The following RGS9 variants were observed in gnomAD, a reference collection of about 807,000 sequenced individuals.
The protein encoded by RGS9 is regulator of G-protein signalling 9.
RGS9 carries 78 observed loss-of-function variants against 102.0 expected under a neutral mutation model. That is an observed-to-expected ratio of 0.76 (90% CI 0.64 to 0.92). RGS9 has a LOEUF of 0.92. RGS9 is among the 40% of genes least tolerant of loss of function. The pLI, the probability that RGS9 is intolerant of heterozygous loss-of-function variation, is 0.00. For synonymous variants in RGS9, 353 were observed against 318.6 expected (o/e 1.11, Z -1.15); for missense variants, 833 against 866.1 (o/e 0.96, Z 0.48).
At chr17:65,159,159 C>T (rs369522133) in intron 3 of RGS9, among the ~76,000 whole-genome samples, 127 of 150,926 alleles carry the variant, frequency 8.4e-4, no homozygotes, top group Non-Finnish European at 1.2e-3. Flanking sequence ...TGTGACCCCC[C>T]ACTCCTGCCC....
intron 17 of RGS9, among the ~76,000 whole-genome samples, chr17:65,215,669 C>T (rs916761924): frequency 2.0e-5 from 3 of 151,930 alleles, no homozygotes; most frequent in African/African-American, 7.3e-5. Flanking sequence ...CAAGCCATTC[C>T]CCTGCCTCAG....
At chr17:65,206,499 G>A (rs1248733267) in intron 15 of RGS9, among the ~76,000 whole-genome samples, 1 of 152,136 alleles carries the variant, frequency 6.6e-6, no homozygotes, top group Non-Finnish European at 1.5e-5. Flanking sequence ...CCAACATGGT[G>A]AAACCCCGTC....
intron 2 of RGS9, among the ~76,000 whole-genome samples, chr17:65,156,542 T>G (rs561137217): frequency 8.1e-4 from 123 of 152,342 alleles, no homozygotes; most frequent in Non-Finnish European, 1.4e-3. Flanking sequence ...TTTAACTTCT[T>G]GGACGGCAGG....
chr17:65,149,518 A>G (rs1283736979), intron 1 of RGS9, among the ~76,000 whole-genome samples: 2 of 152,194 alleles, frequency 1.3e-5, no homozygotes, highest in East Asian at 3.8e-4. Context: ...ATACATGCTC[A>G]ATAAATACCT....
rs141229113 is a variant in RGS9 at position 65,173,912 on chromosome 17, G to A, written c.583-3820G>A. On this transcript the variant is annotated intron_variant, in intron 8 of 18. Coordinates refer to ENST00000262406, the MANE Select transcript of RGS9 (RefSeq NM_003835.4). The surrounding 1 kb of genome is among the most constrained non-coding windows in gnomAD (Gnocchi z 4.8). ...GAAAGGCAGCCCTCTCACCAGTTTC[G>A]AGGGCAGGGAACTGGAAAAGGACCA... Among the ~76,000 whole-genome samples the A allele has an allele frequency of 2.8e-4, 42 of 152,322 alleles. No individual in the cohort carries two copies. The highest frequency in any genetic ancestry group is 9.9e-4 in the African/African-American group (41 of 41,572).
chr17:65,168,326 C>A (rs1449583568), intron 8 of RGS9, 45 bp downstream of exon 8: 1 of 1,345,938 alleles, frequency 7.4e-7, no homozygotes, highest in East Asian at 2.4e-5. Context: ...TCCTGTGCCT[C>A]CCACCTCCAT....
At chr17:65,151,357 A>G (rs575171450) in intron 1 of RGS9, among the ~76,000 whole-genome samples, 2 of 131,944 alleles carry the variant, frequency 1.5e-5, no homozygotes, top group African/African-American at 3.5e-5. Context: ...AAAAAAAAAA[A>G]AGAGTCCTTC....
At chr17:65,153,557 C>A (rs758519266) in intron 2 of RGS9, 39 bp downstream of exon 2, 5 of 1,482,872 alleles carry the variant, frequency 3.4e-6, no homozygotes, top group South Asian at 2.3e-5. Context: ...CTGGAATAGA[C>A]CCCACAGGCC....
intron 11 of RGS9, among the ~76,000 whole-genome samples, chr17:65,191,324 T>A (rs1912357049): frequency 6.6e-6 from 1 of 152,194 alleles, no homozygotes; most frequent in South Asian, 2.1e-4. Context: ...CAGGACCTCA[T>A]TACCGTAATT....
chr17:65,225,582 T>A (rs1905628326), intron 18 of RGS9, 96 bp downstream of exon 18: 1 of 1,573,902 alleles, frequency 6.4e-7, no homozygotes, highest in East Asian at 2.2e-5. Context: ...GGGACTGGGA[T>A]GGGTGAGAAC....
chr17:65,150,103 G>A (rs1910518083), intron 1 of RGS9, among the ~76,000 whole-genome samples: 1 of 152,198 alleles, frequency 6.6e-6, no homozygotes, highest in Admixed American at 6.5e-5. Context: ...GCGGGAATGT[G>A]GACAGACTTG....
rs754236172 is a variant in RGS9 at position 65,190,160 on chromosome 17, C to T, written c.685-15C>T. The T allele has an allele frequency of 1.9e-6, 3 of 1,608,008 alleles. No homozygotes were observed. Among genetic ancestry groups the T allele is most frequent in the East Asian group, 2.2e-5 (1 of 44,884 alleles). On this transcript the variant is annotated splice_polypyrimidine_tract_variant and intron_variant, in intron 10 of 18. Coordinates refer to ENST00000262406, the MANE Select transcript of RGS9 (RefSeq NM_003835.4). ...GAGGGGGTTGAATACCTTCTAACAA[C>T]TGTGTCTCTTCCAGATCATGTATTA...
intron 1 of RGS9, among the ~76,000 whole-genome samples, chr17:65,139,315 C>CT (rs1270161421): frequency 1.3e-5 from 2 of 150,862 alleles, no homozygotes; most frequent in Non-Finnish European, 2.9e-5. Flanking sequence ...CCTACACACA[C>CT]TGTTTTTTTC....
intron 8 of RGS9, among the ~76,000 whole-genome samples, chr17:65,171,765 A>G (rs1458763104): frequency 6.6e-6 from 1 of 152,218 alleles, no homozygotes; most frequent in East Asian, 1.9e-4. Context: ...ATGAAGGAAA[A>G]CGATGTTTCT....
intron 17 of RGS9, 80 bp downstream of exon 17, chr17:65,210,685 G>A: frequency 1.3e-6 from 2 of 1,595,954 alleles, no homozygotes; most frequent in South Asian, 2.2e-5. Context: ...TGGGGGTGGG[G>A]TCATGCACTT....
intron 7 of RGS9, among the ~76,000 whole-genome samples, chr17:65,165,011 A>G (rs1341917334): frequency 6.6e-6 from 1 of 152,096 alleles, no homozygotes; most frequent in African/African-American, 2.4e-5. Context: ...ACTTAATTCC[A>G]TTTGTTGCAC....
intron 11 of RGS9, among the ~76,000 whole-genome samples, chr17:65,191,014 T>C (rs938717052): frequency 2.0e-5 from 3 of 152,170 alleles, no homozygotes; most frequent in Non-Finnish European, 4.4e-5. Context: ...CTTGTAAAAA[T>C]GTTTTACATC....
At chr17:65,206,863 G>A (rs966419683) in intron 15 of RGS9, among the ~76,000 whole-genome samples, 5 of 152,128 alleles carry the variant, frequency 3.3e-5, no homozygotes, top group African/African-American at 9.7e-5. Flanking sequence ...AACACTCAAC[G>A]TATCCCAGTG....
At chr17:65,138,830 G>A (rs1237860563) in intron 1 of RGS9, among the ~76,000 whole-genome samples, 1 of 152,012 alleles carries the variant, frequency 6.6e-6, no homozygotes, top group East Asian at 1.9e-4. Context: ...TTTGTTTATT[G>A]AATCTCTGGC....
Sources: allele counts gnomAD v4.1 joint callset (sites outside exome capture counted in the v4.1 genomes callset), GRCh38; gene constraint gnomAD v4.1.1; non-coding constraint Gnocchi (gnomAD v3.1); transcripts MANE v1.5; gene names NCBI Gene and HGNC (gene_info 2026-07-23, HGNC 2026-07-21).